The following PTPN1 variants were observed in gnomAD, a reference collection of about 807,000 sequenced individuals.
PTPN1 encodes tyrosine-protein phosphatase non-receptor type 1.
In PTPN1, 12 loss-of-function variants were observed where a neutral mutation model predicts 59.9. The ratio of observed to expected loss-of-function variants is 0.20; its 90% CI spans 0.13 to 0.32. The LOEUF is 0.32. Ranked by LOEUF, PTPN1 falls within the 10% of genes least tolerant of loss-of-function variation. The probability of loss-of-function intolerance (pLI) is 1.00; values close to 1 mark genes in which losing one functional copy is unlikely to be tolerated. For missense variants in PTPN1, 356 were observed against 549.2 expected (o/e 0.65, Z 3.52); for synonymous variants, 178 against 203.6 (o/e 0.87, Z 1.07).
In PTPN1 at chr20:50,568,339, A is replaced by G. The variant is rs1601410701; in HGVS notation, c.256-41A>G. The G allele has an allele frequency of 6.5e-7, 1 of 1,530,934 alleles. No homozygotes were observed. Among genetic ancestry groups the G allele is most frequent in the Non-Finnish European group, 9.0e-7 (1 of 1,105,340 alleles). 94.8% of individuals were successfully genotyped at this position (1,530,934 alleles called of 1,614,324 possible). A position where few individuals can be genotyped will look rare whatever the true frequency, so the allele number is the denominator to read the frequency against. Reference sequence around the variant, plus strand: ...AGGTGAGCACACGCTGTAGCATGTTATGTTTCAGATGTCACATGTTGTGTT... The same window carrying G: ...AGGTGAGCACACGCTGTAGCATGTTGTGTTTCAGATGTCACATGTTGTGTT... On this transcript the variant is annotated intron_variant, in intron 3 of 9. Transcript: ENST00000371621. The surrounding 1 kb of genome is among the most constrained non-coding windows in gnomAD (Gnocchi z 5.6).
At chr20:50,513,998 GAA>G (rs1184477883) in intron 1 of PTPN1, among the ~76,000 whole-genome samples, 1 of 152,154 alleles carries the variant, frequency 6.6e-6, no homozygotes, top group African/African-American at 2.4e-5. Context: ...TGGTTTGAGT[GAA>G]CTAAATTTAG....
At chr20:50,576,386 C>T (rs1333903028) in intron 5 of PTPN1, among the ~76,000 whole-genome samples, 1 of 152,122 alleles carries the variant, frequency 6.6e-6, no homozygotes, top group African/African-American at 2.4e-5. Flanking sequence ...GATCTGTTTG[C>T]TCCAACAGAC....
intron 1 of PTPN1, among the ~76,000 whole-genome samples, chr20:50,554,381 TCTCTCTC>T (rs1380059639): frequency 5.2e-5 from 1 of 19,344 alleles, no homozygotes; most frequent in Non-Finnish European, 1.2e-4. Flanking sequence ...CAAGACCACA[TCTCTCTC>T]TCTCTCTCTC....
chr20:50,532,073 A>C (rs2122737599), intron 1 of PTPN1, among the ~76,000 whole-genome samples: 1 of 152,264 alleles, frequency 6.6e-6, no homozygotes, highest in Non-Finnish European at 1.5e-5. Context: ...CTACCTCTGT[A>C]TTTAAGGGGA....
chr20:50,558,276 T>C (rs947026647), intron 1 of PTPN1, among the ~76,000 whole-genome samples: 2 of 152,188 alleles, frequency 1.3e-5, no homozygotes, highest in Non-Finnish European at 2.9e-5. Flanking sequence ...CCCACATACA[T>C]GATTTTACCT....
chr20:50,582,657 T>C lies in PTPN1; in HGVS notation c.1285-35T>C, dbSNP rs2082874816. The C allele has an allele frequency of 1.9e-6, 3 of 1,611,780 alleles. No individual in the cohort carries two copies. Among genetic ancestry groups the C allele is most frequent in the Non-Finnish European group, 2.5e-6 (3 of 1,179,104 alleles). On this transcript the variant is annotated intron_variant, in intron 9 of 9. Transcript: ENST00000371621. The surrounding 1 kb of genome is among the most constrained non-coding windows in gnomAD (Gnocchi z 4.2). Reference sequence around the variant, plus strand: ...GAGGCGACAGCTCTGCAGGTGCGGGTCTGGGCTCATCTGAACTGTTTGGTT... The same window carrying C: ...GAGGCGACAGCTCTGCAGGTGCGGGCCTGGGCTCATCTGAACTGTTTGGTT...
At chr20:50,580,070 C>T in intron 8 of PTPN1, 144 bp downstream of exon 8, 1 of 732,500 alleles carries the variant, frequency 1.4e-6, no homozygotes, top group Non-Finnish European at 2.3e-6. Flanking sequence ...GGCGCGTGGA[C>T]CACAGCCACT....
chr20:50,514,145 A>G (rs2082518949), intron 1 of PTPN1, among the ~76,000 whole-genome samples: 1 of 152,238 alleles, frequency 6.6e-6, no homozygotes, highest in African/African-American at 2.4e-5. Context: ...TCACTGGCAT[A>G]TTTATAGGAA....
chr20:50,580,223 C>G (rs1245476872), intron 8 of PTPN1, among the ~76,000 whole-genome samples: 2 of 152,300 alleles, frequency 1.3e-5, no homozygotes, highest in Middle Eastern at 3.4e-3. Flanking sequence ...TCTGCCCCCC[C>G]TGACGACAGC....
intron 2 of PTPN1, among the ~76,000 whole-genome samples, chr20:50,564,030 A>G (rs1399895650): frequency 6.6e-6 from 1 of 152,108 alleles, no homozygotes; most frequent in Non-Finnish European, 1.5e-5. Context: ...CTGAATTTTA[A>G]AAATTTAGAA....
chr20:50,514,710 C>T (rs1202086306), intron 1 of PTPN1, among the ~76,000 whole-genome samples: 1 of 152,160 alleles, frequency 6.6e-6, no homozygotes, highest in East Asian at 1.9e-4. Flanking sequence ...GGCATTCCTC[C>T]CTACAGTGTT....
intron 1 of PTPN1, among the ~76,000 whole-genome samples, chr20:50,550,865 A>G (rs1380828567): frequency 1.3e-5 from 2 of 152,268 alleles, no homozygotes; most frequent in African/African-American, 4.8e-5. Context: ...GGAGCCCGTA[A>G]GAGACATTCA....
chr20:50,521,654 G>C (rs2082551805), intron 1 of PTPN1, among the ~76,000 whole-genome samples: 1 of 152,196 alleles, frequency 6.6e-6, no homozygotes, highest in Non-Finnish European at 1.5e-5. Context: ...CTCTTTCCTA[G>C]ATGTCACAAA....
chr20:50,556,814 G>A (rs1332100238), intron 1 of PTPN1, among the ~76,000 whole-genome samples: 8 of 152,110 alleles, frequency 5.3e-5, no homozygotes, highest in Admixed American at 6.5e-5. Context: ...GCATGGTGGT[G>A]CATGCCTGTA....
At chr20:50,543,120 A>T (rs868273366) in intron 1 of PTPN1, among the ~76,000 whole-genome samples, 1 of 152,260 alleles carries the variant, frequency 6.6e-6, no homozygotes, top group African/African-American at 2.4e-5. Context: ...TTTGTTTTAA[A>T]GATCTGCTTA....
At chr20:50,577,341 CCTT>C (rs1357328391) in intron 5 of PTPN1, among the ~76,000 whole-genome samples, 3 of 152,242 alleles carry the variant, frequency 2.0e-5, no homozygotes, top group African/African-American at 7.2e-5. Flanking sequence ...TGGCCTGAAT[CCTT>C]CTGCCATCAG....
chr20:50,510,486 C>T lies in PTPN1; in HGVS notation c.-42C>T. The T allele has an allele frequency of 6.5e-7, 1 of 1,546,036 alleles. No homozygotes were observed. The highest frequency in any genetic ancestry group is 1.2e-5 in the South Asian group (1 of 83,610). On this transcript the variant is annotated 5_prime_UTR_variant, in exon 1 of 10. Coordinates refer to ENST00000371621, the MANE Select transcript of PTPN1 (RefSeq NM_002827.4). ...ACGCGGCCTAGAGCGGCAGACGGCGCAGTGGGCCGAGAAGGAGGCGCAGCA... is the reference window on the plus strand; with the variant it reads ...ACGCGGCCTAGAGCGGCAGACGGCGTAGTGGGCCGAGAAGGAGGCGCAGCA...
At chr20:50,575,184 G>A (rs1194613107) in intron 5 of PTPN1, among the ~76,000 whole-genome samples, 1 of 152,238 alleles carries the variant, frequency 6.6e-6, no homozygotes, top group Non-Finnish European at 1.5e-5. Context: ...AAGCAGCACT[G>A]CCGCTGAACG....
intron 1 of PTPN1, among the ~76,000 whole-genome samples, chr20:50,523,550 C>G (rs967435899): frequency 2.0e-5 from 3 of 152,178 alleles, no homozygotes; most frequent in Non-Finnish European, 2.9e-5. Context: ...CTCCTTGCAG[C>G]CAGTGTCTGT....
Sources: gnomAD v4.1 joint callset for allele counts (sites outside exome capture counted in the v4.1 genomes callset) on GRCh38, gnomAD v4.1.1 for gene constraint, Gnocchi (gnomAD v3.1) non-coding constraint, MANE v1.5 for transcripts, NCBI Gene and HGNC (gene_info 2026-07-23, HGNC 2026-07-21) for gene names.